The following TNRC18 variants were observed in gnomAD, a reference collection of about 807,000 sequenced individuals.
TNRC18 encodes trinucleotide repeat-containing gene 18 protein.
TNRC18 carries 69 observed loss-of-function variants against 226.7 expected under a neutral mutation model. The observed-to-expected ratio is 0.30, with a 90% CI of 0.25 to 0.37. The LOEUF is 0.37. TNRC18 is among the 10% of genes least tolerant of loss of function. The pLI, the probability that TNRC18 is intolerant of heterozygous loss-of-function variation, is 1.00. For synonymous variants in TNRC18, 2,449 were observed against 1,927.6 expected, an observed-to-expected ratio of 1.27 and a Z score of -7.09; for missense variants, 4,754 against 4,256.6, an observed-to-expected ratio of 1.12 and a Z score of -3.25.
chr7:5,405,200 G>A (rs896761972), intron 2 of TNRC18, among the ~76,000 whole-genome samples: 4 of 152,088 alleles, frequency 2.6e-5, no homozygotes, highest in Admixed American at 2.6e-4. Flanking sequence ...AGCTGAGGCA[G>A]GAGGATCACT....
intron 5 of TNRC18, among the ~76,000 whole-genome samples, chr7:5,384,927 C>G (rs1003454849): frequency 6.6e-6 from 1 of 152,230 alleles, no homozygotes; most frequent in African/African-American, 2.4e-5. Flanking sequence ...ATGAGCCAGC[C>G]CTGCTGGATG....
intron 19 of TNRC18, among the ~76,000 whole-genome samples, chr7:5,331,598 G>C (rs1789527748): frequency 6.6e-6 from 1 of 152,126 alleles, no homozygotes; most frequent in South Asian, 2.1e-4. Flanking sequence ...TTACTCCAGG[G>C]ACCTTAAAAC....
chr7:5,400,925 C>T (rs1028143513), intron 2 of TNRC18, among the ~76,000 whole-genome samples: 5 of 152,042 alleles, frequency 3.3e-5, no homozygotes, highest in African/African-American at 9.7e-5. Context: ...CGCCTGTAAC[C>T]CAGCTACCCT....
At position 5,308,867 on chromosome 7, in the gene TNRC18, C is replaced by G; in HGVS notation, c.8700+8G>C. 6.3e-7 allele frequency: 1 copy of G among 1,579,196 alleles called. No individual in the cohort carries two copies. The highest frequency in any genetic ancestry group is 8.6e-7 in the Non-Finnish European group (1 of 1,164,150). On this transcript the variant is annotated splice_region_variant and intron_variant, in intron 29 of 29. Coordinates refer to ENST00000430969, the MANE Select transcript of TNRC18 (RefSeq NM_001080495.3). ...AACCCGCCCACCACCACCACCACCA[C>G]CACCTACCTCCATGAAGTCCTTCCT... is the stretch of plus-strand genomic sequence containing the variant.
intron 11 of TNRC18, among the ~76,000 whole-genome samples, chr7:5,365,023 G>A (rs1011410822): frequency 7.4e-6 from 1 of 134,468 alleles, no homozygotes; most frequent in Non-Finnish European, 1.6e-5. Context: ...GCAGAATCAT[G>A]TGGGGGGGCG....
At chr7:5,352,823 C>T (rs1266700701) in intron 16 of TNRC18, among the ~76,000 whole-genome samples, 2 of 152,262 alleles carry the variant, frequency 1.3e-5, no homozygotes, top group African/African-American at 4.8e-5. Flanking sequence ...ATGCTCACGC[C>T]ATTTTGATCT....
chr7:5,421,780 C>T (rs1782601551), intron 1 of TNRC18, among the ~76,000 whole-genome samples: 1 of 152,216 alleles, frequency 6.6e-6, no homozygotes, highest in African/African-American at 2.4e-5. Context: ...CGGGTCCTCC[C>T]GAAACCGGGG....
chr7:5,378,537 G>A (rs1779170392), intron 5 of TNRC18, among the ~76,000 whole-genome samples: 1 of 151,450 alleles, frequency 6.6e-6, no homozygotes, highest in East Asian at 1.9e-4. Flanking sequence ...TCCTGCCTCA[G>A]CCTCCCAAGT....
chr7:5,387,760 C>G lies in TNRC18; in HGVS notation c.2064G>C (p.Val688=), dbSNP rs770042339. The change falls in exon 5 of 30, where the codon GTG becomes GTC. Residue 688 remains valine (V), a synonymous_variant. Coordinates refer to ENST00000430969, the MANE Select transcript of TNRC18 (RefSeq NM_001080495.3). The stretch of plus-strand genomic sequence containing the variant: ...TGCCGCCACTGTCCTTCTGCCGGGC[C>G]ACAGCCACTGCAATGCCCACAGGCG... ...RHPPVGIAVA[V]ARQKDSGGSG... 2 of 1,607,904 alleles carry G rather than the reference C, an allele frequency of 1.2e-6. No individual in the cohort carries two copies. The highest frequency in any genetic ancestry group is 1.7e-6 in the Non-Finnish European group (2 of 1,179,830).
chr7:5,418,086 G>A (rs1782302014), intron 2 of TNRC18, among the ~76,000 whole-genome samples: 1 of 152,210 alleles, frequency 6.6e-6, no homozygotes, highest in South Asian at 2.1e-4. Flanking sequence ...AGCCTAGGGT[G>A]TGGGGGCAGG....
chr7:5,415,925 G>A (rs1782154572), intron 2 of TNRC18, among the ~76,000 whole-genome samples: 1 of 144,732 alleles, frequency 6.9e-6, no homozygotes, highest in Non-Finnish European at 1.5e-5. Context: ...TGGCCAACAT[G>A]GCGAAACCCC....
chr7:5,349,799 C>G (rs951263632), intron 17 of TNRC18, among the ~76,000 whole-genome samples: 1 of 152,220 alleles, frequency 6.6e-6, no homozygotes, highest in Non-Finnish European at 1.5e-5. Flanking sequence ...ACTAGAAAAG[C>G]CAAGCCAGTT....
Position 5,357,326 on chromosome 7 carries a change from A to G in TNRC18, c.4834-50T>C, listed in dbSNP as rs765251756. ...GTTAAAAGATCTGACAAAACAGTAT[A>G]GTGGGTTTCAGTGCACATGCTCTGC... is the stretch of plus-strand genomic sequence containing the variant. On this transcript the variant is annotated intron_variant, in intron 15 of 29. Transcript: ENST00000430969. 4.3e-5 allele frequency: 66 copies of G among 1,529,186 alleles called. No individual in the cohort carries two copies. The South Asian group carries it at 6.3e-4, about 15-fold the overall frequency. 94.7% of individuals were successfully genotyped at this position (1,529,186 alleles called of 1,614,324 possible).
intron 3 of TNRC18, among the ~76,000 whole-genome samples, chr7:5,393,496 G>A (rs1036252964): frequency 2.6e-5 from 4 of 152,212 alleles, no homozygotes; most frequent in African/African-American, 7.2e-5. Context: ...ACCTGGCCCC[G>A]CAGGAGGAAG....
At position 5,359,463 on chromosome 7, in the gene TNRC18, C is replaced by G; in HGVS notation, c.4768G>C (p.Gly1590Arg). Residue 1590 changes from glycine to arginine, a missense_variant, in exon 15 of 30, where the codon GGG (glycine) becomes CGG (arginine). Coordinates refer to ENST00000430969, the MANE Select transcript of TNRC18 (RefSeq NM_001080495.3). ...EEEHDALIGM[G>R]KARGRNQTWD... is the part of the protein sequence containing the mutation. ...GTCTGGTTCCTCCCCCTGGCTTTCC[C>G]CATTCCGATGAGGGCATCATGTTCC... 6.2e-7 allele frequency: 1 copy of G among 1,614,026 alleles called. No individual in the cohort carries two copies. Among genetic ancestry groups the G allele is most frequent in the Non-Finnish European group, 8.5e-7 (1 of 1,179,900 alleles).
intron 19 of TNRC18, among the ~76,000 whole-genome samples, chr7:5,326,704 G>A (rs1788945119): frequency 6.6e-6 from 1 of 152,098 alleles, no homozygotes; most frequent in African/African-American, 2.4e-5. Context: ...CTACTCGGGT[G>A]GCTGAGGCAG....
At position 5,377,336 on chromosome 7, in the gene TNRC18, CAGA is replaced by C; in HGVS notation, c.2461+32_2461+34del. On this transcript the variant is annotated intron_variant, in intron 7 of 29. Coordinates refer to ENST00000430969, the MANE Select transcript of TNRC18 (RefSeq NM_001080495.3). The surrounding 1 kb of genome is among the most constrained non-coding windows in gnomAD (Gnocchi z 5.8). ...CACCCGCCCCCTCCCACCCCTCCCTCAGAGAAGGGGAGAGACCCTGTGCCCCAC... is the reference window on the plus strand; with the variant it reads ...CACCCGCCCCCTCCCACCCCTCCCTCGAAGGGGAGAGACCCTGTGCCCCAC... The C allele has an allele frequency of 8.6e-7, 1 of 1,156,908 alleles. No homozygotes were observed. The highest frequency in any genetic ancestry group is 1.2e-6 in the Non-Finnish European group (1 of 824,274). 71.7% of individuals were successfully genotyped at this position (1,156,908 alleles called of 1,614,324 possible).
chr7:5,387,588 G>A (rs981074833), intron 5 of TNRC18, 84 bp downstream of exon 5: 7 of 1,539,154 alleles, frequency 4.5e-6, no homozygotes, highest in East Asian at 2.2e-5. Flanking sequence ...CAATAGCAAA[G>A]GGAAAGGGCC....
At chr7:5,383,615 G>T (rs1779550282) in intron 5 of TNRC18, among the ~76,000 whole-genome samples, 1 of 152,194 alleles carries the variant, frequency 6.6e-6, no homozygotes, top group Non-Finnish European at 1.5e-5. Context: ...GAACCCAGGA[G>T]ACCAGTGTGA....
Sources: gnomAD v4.1 joint callset for allele counts (sites outside exome capture counted in the v4.1 genomes callset) on GRCh38, gnomAD v4.1.1 for gene constraint, Gnocchi (gnomAD v3.1) non-coding constraint, MANE v1.5 for transcripts, NCBI Gene and HGNC (gene_info 2026-07-23, HGNC 2026-07-21) for gene names.